The following CADM1 variants were observed in gnomAD, a reference collection of about 807,000 sequenced individuals.
CADM1 encodes the protein TSLC-1.
A neutral mutation model predicts 53.1 loss-of-function variants in CADM1; 15 were observed. The observed-to-expected ratio is 0.28, with a 90% confidence interval of 0.19 to 0.44. The LOEUF is 0.44. Ranked by LOEUF, CADM1 falls within the 20% of genes least tolerant of loss-of-function variation. CADM1 has a pLI of 1.00. For missense variants in CADM1, 434 were observed against 611.3 expected (o/e 0.71, Z 3.06); for synonymous variants, 281 against 243.0 (o/e 1.16, Z -1.45).
At chr11:115,411,190 G>T (rs1457787338) in intron 1 of CADM1, among the ~76,000 whole-genome samples, 1 of 152,064 alleles carries the variant, frequency 6.6e-6, no homozygotes, top group East Asian at 1.9e-4. Context: ...AAAACTAGAG[G>T]ATTTGCATAA....
chr11:115,381,694 A>G (rs554202113), intron 1 of CADM1, among the ~76,000 whole-genome samples: 1 of 152,302 alleles, frequency 6.6e-6, no homozygotes, highest in South Asian at 2.1e-4. Context: ...CTGACACACG[A>G]AGTACATTAA....
At chr11:115,480,214 A>G (rs1265258880) in intron 1 of CADM1, among the ~76,000 whole-genome samples, 3 of 152,180 alleles carry the variant, frequency 2.0e-5, no homozygotes, top group Middle Eastern at 3.2e-3. Context: ...CTTGAACTCC[A>G]CAAAGAAGAA....
chr11:115,183,801 T>C (rs1408173897), intron 10 of CADM1, among the ~76,000 whole-genome samples: 1 of 152,078 alleles, frequency 6.6e-6, no homozygotes, highest in Non-Finnish European at 1.5e-5. Flanking sequence ...CTACCTCAGC[T>C]CTCATTTTTA....
chr11:115,337,948 T>C (rs142247932), intron 1 of CADM1, among the ~76,000 whole-genome samples: 10 of 152,280 alleles, frequency 6.6e-5, no homozygotes, highest in Admixed American at 1.3e-4. Context: ...TTTTAAGAGA[T>C]TGGTTGGAAA....
intron 1 of CADM1, among the ~76,000 whole-genome samples, chr11:115,281,208 G>C (rs1943574944): frequency 6.6e-6 from 1 of 152,200 alleles, no homozygotes; most frequent in South Asian, 2.1e-4. Context: ...CCTGACCATA[G>C]TTGTGTCAAG....
intron 1 of CADM1, among the ~76,000 whole-genome samples, chr11:115,330,545 G>A (rs1367552394): frequency 1.3e-5 from 2 of 152,126 alleles, no homozygotes; most frequent in African/African-American, 4.8e-5. Flanking sequence ...CAACGATTGA[G>A]TTACATTAAT....
intron 1 of CADM1, among the ~76,000 whole-genome samples, chr11:115,426,183 G>A (rs532801662): frequency 1.3e-5 from 2 of 152,268 alleles, no homozygotes; most frequent in South Asian, 4.1e-4. Context: ...TGAGCTTCAG[G>A]AATGTTTTAT....
intron 5 of CADM1, among the ~76,000 whole-genome samples, chr11:115,226,491 C>T (rs983299576): frequency 2.6e-5 from 4 of 152,190 alleles, no homozygotes; most frequent in East Asian, 1.9e-4. Flanking sequence ...CTGACTTCAA[C>T]GGCATGAGTC....
rs548644814 is a variant in CADM1 at position 115,231,343 on chromosome 11, T to C, written c.562+10A>G. ...CTAACTACTTCAGTGTGTGGCAATCTGCAGCTTACCTTTTAGCTCTGTGTT... is the reference window on the plus strand; with the variant it reads ...CTAACTACTTCAGTGTGTGGCAATCCGCAGCTTACCTTTTAGCTCTGTGTT... On this transcript the variant is annotated intron_variant, in intron 4 of 11. Coordinates refer to ENST00000331581, the MANE Select transcript of CADM1 (RefSeq NM_001301043.2). 25 of 1,614,178 alleles carry C rather than the reference T, an allele frequency of 1.5e-5. No homozygotes were observed. The East Asian group carries it at 5.1e-4, about 33-fold the overall frequency.
chr11:115,301,326 A>G (rs1474485860), intron 1 of CADM1, among the ~76,000 whole-genome samples: 2 of 152,108 alleles, frequency 1.3e-5, no homozygotes, highest in East Asian at 3.9e-4. Context: ...CCGGGAGGGA[A>G]ATAGGCATGA....
chr11:115,465,787 TTACAGGCAGGAAAAGTAGAA>T (rs1948887844), intron 1 of CADM1, among the ~76,000 whole-genome samples: 1 of 152,118 alleles, frequency 6.6e-6, no homozygotes, highest in African/African-American at 2.4e-5. Context: ...CTATAACTTT[TTACAGGCAGGAAAAGTAGAA>T]CCAGTGTTGT....
chr11:115,356,375 G>A (rs1457334803), intron 1 of CADM1, among the ~76,000 whole-genome samples: 1 of 151,824 alleles, frequency 6.6e-6, no homozygotes, highest in Non-Finnish European at 1.5e-5. Flanking sequence ...TACATCTAAT[G>A]TCTCCAAAAG....
At chr11:115,243,468 C>T (rs976145595) in intron 1 of CADM1, among the ~76,000 whole-genome samples, 11 of 151,964 alleles carry the variant, frequency 7.2e-5, no homozygotes, top group African/African-American at 1.5e-4. Flanking sequence ...GTCAGCTGGA[C>T]GGCAGTTATG....
At chr11:115,275,872 C>A (rs1943430973) in intron 1 of CADM1, among the ~76,000 whole-genome samples, 1 of 152,096 alleles carries the variant, frequency 6.6e-6, no homozygotes. Flanking sequence ...TCAAGCTGGT[C>A]CCATTAGCTG....
At chr11:115,310,337 AAAT>A (rs1049727537) in intron 1 of CADM1, among the ~76,000 whole-genome samples, 24 of 152,230 alleles carry the variant, frequency 1.6e-4, no homozygotes, top group African/African-American at 5.1e-4. Context: ...AGAGTGAAAA[AAAT>A]AATAATTTTA....
chr11:115,322,729 G>GT (rs1421445478), intron 1 of CADM1, among the ~76,000 whole-genome samples: 2 of 152,108 alleles, frequency 1.3e-5, no homozygotes, highest in South Asian at 2.1e-4. Flanking sequence ...GTCATAGAAT[G>GT]TATCAGTACT....
chr11:115,180,698 G>C (rs1939267657), intron 10 of CADM1, among the ~76,000 whole-genome samples: 1 of 152,060 alleles, frequency 6.6e-6, no homozygotes. Flanking sequence ...GGTGCTGCTG[G>C]ACACGGGGTG....
rs991408884 is a variant in CADM1 at position 115,172,725 on chromosome 11, A to ATTTTTTTTTTTTTTTT, written c.*3733_*3748dup. 1 of 85,528 alleles carries ATTTTTTTTTTTTTTTT rather than the reference A, an allele frequency of 1.2e-5. No individual in the cohort carries two copies. Among genetic ancestry groups the ATTTTTTTTTTTTTTTT allele is most frequent in the Non-Finnish European group, 2.1e-5 (1 of 47,264 alleles). The allele number at this position is 85,528 out of a possible 1,614,324, so 5.3% of individuals were successfully genotyped here. On this transcript the variant is annotated 3_prime_UTR_variant, in exon 12 of 12. Transcript: ENST00000331581. Reference sequence around the variant, plus strand: ...CAGGTGCTCAATAACTGCATATCTGATTTTTTTTTTTTTTTTTTTTTTTTT... The same window carrying ATTTTTTTTTTTTTTTT: ...CAGGTGCTCAATAACTGCATATCTGATTTTTTTTTTTTTTTTTTTTTTTTTTTTTTTTTTTTTTTTT...
intron 1 of CADM1, among the ~76,000 whole-genome samples, chr11:115,416,611 A>C (rs763296100): frequency 3.3e-5 from 5 of 152,010 alleles, no homozygotes; most frequent in Non-Finnish European, 5.9e-5. Flanking sequence ...CAGACTCAGC[A>C]TACAGTCACA....
Sources: allele counts gnomAD v4.1 joint callset (sites outside exome capture counted in the v4.1 genomes callset), GRCh38; gene constraint gnomAD v4.1.1; transcripts MANE v1.5; gene names NCBI Gene and HGNC (gene_info 2026-07-23, HGNC 2026-07-21).